Variants in SPIRE1 observed in about 807,000 individuals in gnomAD.
SPIRE1 encodes protein spire homolog 1.
A neutral mutation model predicts 94.1 loss-of-function variants in SPIRE1; 40 were observed. The ratio of observed to expected loss-of-function variants is 0.43; its 90% CI spans 0.33 to 0.55. The LOEUF is 0.55. SPIRE1 is among the 20% of genes least tolerant of loss of function. The pLI is 0.06. For missense variants in SPIRE1, 838 were observed against 975.2 expected, an observed-to-expected ratio of 0.86 and a Z score of 1.87; for synonymous variants, 376 against 371.7, an observed-to-expected ratio of 1.01 and a Z score of -0.13.
intron 3 of SPIRE1, among the ~76,000 whole-genome samples, chr18:12,543,916 A>G (rs947600375): frequency 1.3e-5 from 2 of 152,358 alleles, no homozygotes; most frequent in African/African-American, 4.8e-5. Context: ...CCACAAACTC[A>G]TATCTGCACT....
chr18:12,634,265 A>ATAAT (rs372536958), intron 2 of SPIRE1, among the ~76,000 whole-genome samples: 465 of 143,698 alleles, frequency 3.2e-3, no homozygotes, highest in East Asian at 4.7e-3. Context: ...AAATAAAAAA[A>ATAAT]AAAAAAAATA....
chr18:12,616,878 T>C (rs1467390548), intron 2 of SPIRE1, among the ~76,000 whole-genome samples: 3 of 152,150 alleles, frequency 2.0e-5, no homozygotes, highest in Non-Finnish European at 1.5e-5. Flanking sequence ...TTATTTTTTT[T>C]AGATGGAGTC....
chr18:12,567,836 T>C (rs903790740), intron 2 of SPIRE1, among the ~76,000 whole-genome samples: 1 of 152,228 alleles, frequency 6.6e-6, no homozygotes, highest in African/African-American at 2.4e-5. Flanking sequence ...ACCTAACCTA[T>C]AACTTTCCTG....
rs757660833 is a variant in SPIRE1, at chr18:12,657,776, C to T, written c.91G>A (p.Gly31Ser). 5 of 1,326,358 alleles carry T rather than the reference C, an allele frequency of 3.8e-6. No individual in the cohort carries two copies. The highest frequency in any genetic ancestry group is 2.8e-4 in the Middle Eastern group (1 of 3,512). 82.2% of individuals were successfully genotyped at this position (1,326,358 alleles called of 1,614,324 possible). A position where few individuals can be genotyped will look rare whatever the true frequency, so the allele number is the denominator to read the frequency against. ...GCGTCCCGGGAGCCCCCGGCCGCGC[C>T]GCCGGCTGCCCCGGGCTCCCGCGGC... is the stretch of plus-strand genomic sequence containing the variant. Reference protein sequence around the residue: ...EGPREPGAAGGAAGGSRDALS... With the variant: ...EGPREPGAAGSAAGGSRDALS... The change falls in exon 1 of 17, where the codon GGC (glycine) becomes AGC (serine). Residue 31 changes from glycine (G) to serine (S), a missense_variant. Gly to Ser is a moderately conservative substitution (Grantham distance 56, BLOSUM62 0). Around this residue, in one of 2 missense-constraint regions of SPIRE1, gnomAD observed 193 missense variants for 170.5 expected, o/e 1.13. Coordinates refer to ENST00000409402, the MANE Select transcript of SPIRE1 (RefSeq NM_001128626.2).
chr18:12,626,518 T>TA (rs1567976468), intron 2 of SPIRE1, among the ~76,000 whole-genome samples: 1 of 152,166 alleles, frequency 6.6e-6, no homozygotes, highest in African/African-American at 2.4e-5. Context: ...AACAGGACTA[T>TA]ATCCGTTGGC....
intron 2 of SPIRE1, among the ~76,000 whole-genome samples, chr18:12,628,055 T>C (rs1415620707): frequency 3.9e-5 from 6 of 152,330 alleles, no homozygotes; most frequent in African/African-American, 1.2e-4. Context: ...CTCTTTAGTT[T>C]AATTAGATCC....
At chr18:12,540,726 T>C (rs1457388800) in intron 3 of SPIRE1, among the ~76,000 whole-genome samples, 1 of 152,232 alleles carries the variant, frequency 6.6e-6, no homozygotes, top group African/African-American at 2.4e-5. Context: ...TTAGCAATTG[T>C]TAGGATTTAA....
intron 2 of SPIRE1, among the ~76,000 whole-genome samples, chr18:12,612,672 T>C (rs972024084): frequency 6.6e-6 from 1 of 152,220 alleles, no homozygotes; most frequent in African/African-American, 2.4e-5. Context: ...TGAGAAGCAC[T>C]TCTTTTGTGA....
At chr18:12,450,767 C>A in intron 16 of SPIRE1, 2 of 710,912 alleles carry the variant, frequency 2.8e-6, no homozygotes, top group Non-Finnish European at 2.6e-6. Context: ...AGAATTCCAC[C>A]CCAAGATCAA....
At chr18:12,467,899 A>G (rs2143650817) in intron 10 of SPIRE1, among the ~76,000 whole-genome samples, 1 of 152,118 alleles carries the variant, frequency 6.6e-6, no homozygotes, top group East Asian at 1.9e-4. Context: ...CGGTGAGCTG[A>G]GATCATGCCA....
At chr18:12,627,563 A>G (rs574329303) in intron 2 of SPIRE1, among the ~76,000 whole-genome samples, 17 of 152,272 alleles carry the variant, frequency 1.1e-4, no homozygotes, top group African/African-American at 4.1e-4. Flanking sequence ...ATAATCCTTT[A>G]GGTATATACC....
At chr18:12,557,881 T>C (rs1413963545) in intron 2 of SPIRE1, among the ~76,000 whole-genome samples, 1 of 152,076 alleles carries the variant, frequency 6.6e-6, no homozygotes, top group Admixed American at 6.5e-5. Flanking sequence ...TACAATGAAC[T>C]CATTTTGGAC....
Position 12,657,925 on chromosome 18 carries a change from G to T in SPIRE1, c.-59C>A. 1 of 1,019,922 alleles carries T rather than the reference G, an allele frequency of 9.8e-7. No individual in the cohort carries two copies. The allele number at this position is 1,019,922 out of a possible 1,614,324, so 63.2% of individuals were successfully genotyped here. On this transcript the variant is annotated 5_prime_UTR_variant, in exon 1 of 17. Transcript: ENST00000409402. ...CGTGTGCCGGCGTCTCCTCAGCTCCGGAGCATCGTCGTCGCGCGCCGCCGC... is the reference window on the plus strand; with the variant it reads ...CGTGTGCCGGCGTCTCCTCAGCTCCTGAGCATCGTCGTCGCGCGCCGCCGC...
At chr18:12,551,472 C>T (rs543933251) in intron 2 of SPIRE1, among the ~76,000 whole-genome samples, 11 of 152,164 alleles carry the variant, frequency 7.2e-5, no homozygotes, top group South Asian at 6.2e-4. Flanking sequence ...GAGGCCGAGG[C>T]GGGCAGATCA....
intron 2 of SPIRE1, among the ~76,000 whole-genome samples, chr18:12,571,366 C>A (rs996661723): frequency 6.6e-6 from 1 of 152,198 alleles, no homozygotes; most frequent in Non-Finnish European, 1.5e-5. Flanking sequence ...TGAGCCACCA[C>A]ACCTGGCCCC....
chr18:12,496,332 CAA>C (rs143331767), intron 6 of SPIRE1, among the ~76,000 whole-genome samples: 2,536 of 152,210 alleles, frequency 0.017, 49 homozygotes, highest in African/African-American at 0.047. Flanking sequence ...GAAATTTCAA[CAA>C]AAAGTTTCTA....
chr18:12,489,849 C>T (rs550211869), intron 8 of SPIRE1, among the ~76,000 whole-genome samples: 11 of 152,170 alleles, frequency 7.2e-5, no homozygotes, highest in South Asian at 2.1e-4. Context: ...TGGATGCCTC[C>T]GGCTGTTGTT....
chr18:12,554,702 G>A (rs1054564712), intron 2 of SPIRE1, among the ~76,000 whole-genome samples: 5 of 152,054 alleles, frequency 3.3e-5, no homozygotes, highest in African/African-American at 1.2e-4. Context: ...GAAATCTACA[G>A]GCCAGTATCA....
chr18:12,477,206 G>A (rs1233254089), intron 10 of SPIRE1, among the ~76,000 whole-genome samples: 2 of 152,148 alleles, frequency 1.3e-5, no homozygotes, highest in South Asian at 2.1e-4. Context: ...GGAGTTAAAA[G>A]TAGGCCTGTG....
Sources: allele counts gnomAD v4.1 joint callset (sites outside exome capture counted in the v4.1 genomes callset), GRCh38; gene constraint gnomAD v4.1.1; regional missense constraint gnomAD v4.1.1; transcripts MANE v1.5; gene names NCBI Gene and HGNC (gene_info 2026-07-23, HGNC 2026-07-21).